The following SUMF1 variants were observed in gnomAD, a reference collection of about 807,000 sequenced individuals.
SUMF1 encodes the protein sulfatase modifying factor 1.
A neutral mutation model predicts 47.6 loss-of-function variants in SUMF1; 48 were observed. That is an observed-to-expected ratio of 1.01 (90% CI 0.80 to 1.28). The LOEUF is 1.28. Ranked by LOEUF, SUMF1 falls within the 50% of genes most tolerant of loss-of-function variation. The probability of loss-of-function intolerance (pLI) is 0.00; values close to 1 mark genes in which losing one functional copy is unlikely to be tolerated. For synonymous variants in SUMF1, 230 were observed against 192.1 expected, an observed-to-expected ratio of 1.20 and a Z score of -1.63; for missense variants, 571 against 485.4, an observed-to-expected ratio of 1.18 and a Z score of -1.66.
At chr3:4,218,675 A>C (rs924937138) in intron 8 of SUMF1, among the ~76,000 whole-genome samples, 3 of 152,182 alleles carry the variant, frequency 2.0e-5, no homozygotes, top group Admixed American at 1.3e-4. Context: ...TTCGTGTGAG[A>C]GCATCAGTTT....
Position 4,362,175 on chromosome 3 carries a change from C to G in SUMF1, c.1094G>C (p.Cys365Ser), listed in dbSNP as rs1433927834. 1.2e-6 allele frequency: 2 copies of G among 1,614,198 alleles called. No homozygotes were observed. Among genetic ancestry groups the G allele is most frequent in the Non-Finnish European group, 1.7e-6 (2 of 1,180,014 alleles). Reference protein sequence around the residue: ...DSSASNLGFRCAADRLPTMD With the variant: ...DSSASNLGFRSAADRLPTMD ...CATAGTGGGCAGGCGGTCGGCTGCA[C>G]AGCGGAATCCCAGATTCGAAGCAGA... Residue 365 changes from cysteine (C) to serine (S), a missense_variant, in exon 9 of 9, where the codon TGT becomes TCT. By Grantham distance (112) the Cys-to-Ser change is moderately radical (BLOSUM62 -1). Transcript: ENST00000272902.
intron 8 of SUMF1, among the ~76,000 whole-genome samples, chr3:4,243,358 T>C (rs1364785841): frequency 1.3e-5 from 2 of 152,240 alleles, no homozygotes; most frequent in African/African-American, 4.8e-5. Context: ...AGTGTTAGGC[T>C]GTCGATTTTA....
intron 8 of SUMF1, among the ~76,000 whole-genome samples, chr3:4,363,411 T>C (rs553174205): frequency 6.6e-6 from 1 of 152,128 alleles, no homozygotes; most frequent in Non-Finnish European, 1.5e-5. Flanking sequence ...AGCAGTGGTT[T>C]GTAGTTCTCC....
intron 8 of SUMF1, among the ~76,000 whole-genome samples, chr3:4,283,202 C>A (rs1047558065): frequency 6.6e-6 from 1 of 152,100 alleles, no homozygotes; most frequent in Non-Finnish European, 1.5e-5. Flanking sequence ...AGAAAACCAC[C>A]CCCACTTTCA....
chr3:4,067,120 C>A (rs1380324765), intron 9 of SUMF1, among the ~76,000 whole-genome samples: 1 of 152,186 alleles, frequency 6.6e-6, no homozygotes, highest in Non-Finnish European at 1.5e-5. Context: ...TGGCCAGAGG[C>A]AGCTTCAGCT....
At chr3:4,364,227 T>A (rs184203239) in intron 8 of SUMF1, among the ~76,000 whole-genome samples, 1,665 of 128,922 alleles carry the variant, frequency 0.013, 47 homozygotes, top group African/African-American at 0.041. Flanking sequence ...ATCAGGATGA[T>A]GCTGGCCTCA....
In SUMF1 at chr3:4,347,921, C is replaced by T. The variant is rs145071171; in HGVS notation, c.1014+28409G>A. On this transcript the variant is annotated intron_variant and NMD_transcript_variant, in intron 8 of 12. Coordinates refer to the SUMF1 transcript ENST00000448413. Reference sequence around the variant, plus strand: ...AACAGAGAGCCAAATCATGAATGAACTCCCATTCACAATTGCTACAAAGAG... The same window carrying T: ...AACAGAGAGCCAAATCATGAATGAATTCCCATTCACAATTGCTACAAAGAG... 1.7e-3 allele frequency among the ~76,000 whole-genome samples: 257 copies of T among 152,304 alleles called. 1 individual carries two copies. The highest frequency in any genetic ancestry group is 2.4e-3 in the Admixed American group (37 of 15,302).
intron 3 of SUMF1, among the ~76,000 whole-genome samples, chr3:4,420,920 T>G (rs1239065670): frequency 2.0e-5 from 3 of 152,118 alleles, no homozygotes; most frequent in African/African-American, 7.2e-5. Context: ...AACCCAACAT[T>G]AGCTGGGTGA....
At chr3:4,270,117 G>A (rs1192626380) in intron 8 of SUMF1, among the ~76,000 whole-genome samples, 1 of 152,076 alleles carries the variant, frequency 6.6e-6, no homozygotes, top group Non-Finnish European at 1.5e-5. Context: ...GGTTCAGGAG[G>A]AACAAACGAA....
intron 8 of SUMF1, among the ~76,000 whole-genome samples, chr3:4,195,235 G>A (rs71313814): frequency 0.01 from 1,572 of 152,238 alleles, 24 homozygotes; most frequent in Middle Eastern, 0.044. Flanking sequence ...AAGAAACTGT[G>A]TCTAATGACC....
intron 8 of SUMF1, among the ~76,000 whole-genome samples, chr3:4,322,278 A>G (rs1382617502): frequency 1.3e-5 from 2 of 152,122 alleles, no homozygotes; most frequent in African/African-American, 4.8e-5. Context: ...CTTAATTGTA[A>G]CAAATGTATC....
At chr3:4,139,815 T>C (rs1038858281) in intron 8 of SUMF1, among the ~76,000 whole-genome samples, 1 of 152,104 alleles carries the variant, frequency 6.6e-6, no homozygotes, top group Admixed American at 6.6e-5. Flanking sequence ...CCATCTTTTC[T>C]TGAAAAATAG....
intron 8 of SUMF1, among the ~76,000 whole-genome samples, chr3:4,180,180 A>G (rs1230134655): frequency 1.4e-4 from 22 of 152,206 alleles, no homozygotes; most frequent in Admixed American, 1.4e-3. Flanking sequence ...TTAACCCAGC[A>G]ATCCCATTAC....
intron 8 of SUMF1, among the ~76,000 whole-genome samples, chr3:4,214,634 A>T (rs1574985531): frequency 6.6e-6 from 1 of 152,178 alleles, no homozygotes; most frequent in Admixed American, 6.5e-5. Context: ...TTTTGAAAAG[A>T]TCAACTAAAT....
At chr3:4,300,554 C>T (rs780358179) in intron 8 of SUMF1, among the ~76,000 whole-genome samples, 1 of 152,066 alleles carries the variant, frequency 6.6e-6, no homozygotes. Flanking sequence ...TGTTCTCAAA[C>T]CTATTAATGC....
chr3:4,103,745 A>C (rs1693091993), intron 8 of SUMF1, among the ~76,000 whole-genome samples: 1 of 152,120 alleles, frequency 6.6e-6, no homozygotes, highest in Non-Finnish European at 1.5e-5. Context: ...AGATCCTTAG[A>C]CAAACCACCA....
chr3:4,317,787 G>A (rs1421943965), intron 8 of SUMF1, among the ~76,000 whole-genome samples: 2 of 152,172 alleles, frequency 1.3e-5, no homozygotes, highest in East Asian at 3.8e-4. Flanking sequence ...TTCCTTAGTT[G>A]GGAAGATTGA....
rs1695879977 is a variant in SUMF1, at chr3:4,214,761, T to C, written c.1015-146016A>G. 2.0e-5 allele frequency among the ~76,000 whole-genome samples: 3 copies of C among 146,846 alleles called. No individual in the cohort carries two copies. In the South Asian group the frequency reaches 6.8e-4, roughly 33 times the overall value. ...TCCAAACCACCATCAGAGATTACTA[T>C]AAACACCTCTGCGAAAATAAGCTAA... On this transcript the variant is annotated intron_variant and NMD_transcript_variant, in intron 8 of 12. Transcript: ENST00000448413.
chr3:4,198,377 C>T (rs1384777821), intron 8 of SUMF1, among the ~76,000 whole-genome samples: 1 of 152,078 alleles, frequency 6.6e-6, no homozygotes, highest in Non-Finnish European at 1.5e-5. Context: ...TCTTGATTTA[C>T]TAAAAGCTGC....
Sources: allele counts gnomAD v4.1 joint callset (sites outside exome capture counted in the v4.1 genomes callset), GRCh38; gene constraint gnomAD v4.1.1; transcripts MANE v1.5; gene names NCBI Gene and HGNC (gene_info 2026-07-23, HGNC 2026-07-21).